The following ARMC9 variants were observed in gnomAD, a reference collection of about 807,000 sequenced individuals.
The protein encoded by ARMC9 is lisH domain-containing protein ARMC9.
In ARMC9, 94 loss-of-function variants were observed where a neutral mutation model predicts 107.0. The ratio of observed to expected loss-of-function variants is 0.88; its 90% CI spans 0.74 to 1.04. The LOEUF is 1.04. Ranked by LOEUF, ARMC9 falls within the 50% of genes least tolerant of loss-of-function variation. ARMC9 has a pLI of 0.00. For synonymous variants in ARMC9, 380 were observed against 396.9 expected, an observed-to-expected ratio of 0.96 and a Z score of 0.51; for missense variants, 942 against 1,030.1, an observed-to-expected ratio of 0.91 and a Z score of 1.17.
At chr2:231,258,343 G>T (rs570408319) in intron 10 of ARMC9, among the ~76,000 whole-genome samples, 1 of 151,964 alleles carries the variant, frequency 6.6e-6, no homozygotes, top group South Asian at 2.1e-4. Context: ...CACTATGCCC[G>T]GCTAATTTTG....
At chr2:231,229,321 T>G (rs1231954244) in intron 7 of ARMC9, among the ~76,000 whole-genome samples, 1 of 152,214 alleles carries the variant, frequency 6.6e-6, no homozygotes, top group East Asian at 1.9e-4. Flanking sequence ...GGCATTGTTT[T>G]AAGTGAAGTG....
At chr2:231,278,982 G>C (rs1007489406) in intron 16 of ARMC9, among the ~76,000 whole-genome samples, 5 of 152,110 alleles carry the variant, frequency 3.3e-5, no homozygotes, top group Non-Finnish European at 5.9e-5. Context: ...TTGTGCCCCT[G>C]ACATTTTACT....
intron 23 of ARMC9, among the ~76,000 whole-genome samples, chr2:231,361,326 C>T (rs1019994770): frequency 8.6e-5 from 13 of 151,162 alleles, no homozygotes; most frequent in Admixed American, 5.9e-4. Flanking sequence ...CAGGCTGGGG[C>T]GTGGTGGCGC....
intron 23 of ARMC9, among the ~76,000 whole-genome samples, chr2:231,365,271 A>T (rs570605740): frequency 6.6e-6 from 1 of 152,160 alleles, no homozygotes; most frequent in African/African-American, 2.4e-5. Flanking sequence ...ATATACGGGA[A>T]AGTTGGGAGG....
rs2046075654 is a variant in ARMC9, at chr2:231,372,749, T to C, written c.*1214T>C. ...GTGTGTGTGTGTGTGTGTGTGTGTG[T>C]GTGTGTATGAGTGTATGAAGGGAAA... On this transcript the variant is annotated 3_prime_UTR_variant, in exon 25 of 25. Coordinates refer to ENST00000611582, the MANE Select transcript of ARMC9 (RefSeq NM_001352754.2). 1 of 90,300 alleles carries C rather than the reference T, an allele frequency of 1.1e-5. No homozygotes were observed. Among genetic ancestry groups the C allele is most frequent in the Non-Finnish European group, 2.0e-5 (1 of 51,168 alleles). 5.6% of individuals were successfully genotyped at this position (90,300 alleles called of 1,614,324 possible).
chr2:231,315,112 G>T (rs1477427661), intron 19 of ARMC9, among the ~76,000 whole-genome samples: 6 of 151,342 alleles, frequency 4.0e-5, no homozygotes, highest in Non-Finnish European at 5.9e-5. Context: ...GGTGGTGCAT[G>T]CCTGTAGTCC....
chr2:231,303,708 C>G (rs2041888835), intron 19 of ARMC9, among the ~76,000 whole-genome samples: 1 of 151,994 alleles, frequency 6.6e-6, no homozygotes, highest in Admixed American at 6.6e-5. Flanking sequence ...GAGGCTAAGG[C>G]CGGTGGATCA....
chr2:231,290,548 G>A (rs1051885995), intron 17 of ARMC9, among the ~76,000 whole-genome samples: 2 of 152,168 alleles, frequency 1.3e-5, no homozygotes, highest in African/African-American at 4.8e-5. Context: ...AGTGGTTAGA[G>A]GCCTCGTCAG....
At chr2:231,313,667 C>A (rs2042485665) in intron 19 of ARMC9, among the ~76,000 whole-genome samples, 1 of 152,172 alleles carries the variant, frequency 6.6e-6, no homozygotes, top group African/African-American at 2.4e-5. Flanking sequence ...CCACAAACCC[C>A]AGGTAACCAT....
At chr2:231,262,506 CTG>C (rs2038464049) in intron 12 of ARMC9, 108 bp downstream of exon 12, 1 of 1,089,474 alleles carries the variant, frequency 9.2e-7, no homozygotes, top group East Asian at 2.5e-5. Flanking sequence ...AGCTTCGTAA[CTG>C]TATGTCAGCC....
chr2:231,263,879 A>G (rs1366981190), intron 12 of ARMC9, among the ~76,000 whole-genome samples: 1 of 152,218 alleles, frequency 6.6e-6, no homozygotes, highest in Admixed American at 6.5e-5. Flanking sequence ...TCCAAACTCA[A>G]ATTAAAGAGT....
At chr2:231,325,925 C>T (rs180961711) in intron 19 of ARMC9, among the ~76,000 whole-genome samples, 118 of 152,288 alleles carry the variant, frequency 7.7e-4, no homozygotes, top group African/African-American at 1.3e-3. Context: ...GAGCTTAAAT[C>T]GCAGTGGTAA....
At chr2:231,354,263 T>TAAAAAAAAA (rs759691541) in intron 21 of ARMC9, among the ~76,000 whole-genome samples, 1 of 100,474 alleles carries the variant, frequency 1.0e-5, no homozygotes, top group African/African-American at 4.7e-5. Flanking sequence ...CATCTCCATT[T>TAAAAAAAAA]AAAAAAAAAA....
At chr2:231,244,462 A>T (rs2036580104) in intron 9 of ARMC9, among the ~76,000 whole-genome samples, 1 of 146,556 alleles carries the variant, frequency 6.8e-6, no homozygotes, top group South Asian at 2.1e-4. Flanking sequence ...ACCTCCTGGG[A>T]TCAAGTGGTC....
At chr2:231,226,898 C>CT in intron 7 of ARMC9, 100 bp downstream of exon 7, 1 of 1,378,462 alleles carries the variant, frequency 7.3e-7, no homozygotes, top group East Asian at 2.3e-5. Flanking sequence ...ATGATTTTGG[C>CT]TTTAAGAGTC....
chr2:231,304,274 A>G (rs1033514438), intron 19 of ARMC9, among the ~76,000 whole-genome samples: 1 of 152,084 alleles, frequency 6.6e-6, no homozygotes, highest in African/African-American at 2.4e-5. Context: ...CTTACTTCCC[A>G]ATTTCTACTG....
rs5839392 is a variant in ARMC9, at chr2:231,204,176, GAAAAAAAA to G, written c.-41-2008_-41-2001del. On this transcript the variant is annotated intron_variant, in intron 1 of 24. Coordinates refer to ENST00000611582, the MANE Select transcript of ARMC9 (RefSeq NM_001352754.2). Reference sequence around the variant, plus strand: ...GCAACAGAGGGAAACTCTGTCTCAGGAAAAAAAAAAAAAAAAAAAAAGGACATCAGTGG... The same window carrying G: ...GCAACAGAGGGAAACTCTGTCTCAGGAAAAAAAAAAAAAGGACATCAGTGG... 3.1e-5 allele frequency among the ~76,000 whole-genome samples: 3 copies of G among 98,306 alleles called. No individual in the cohort carries two copies. In the Admixed American group the frequency reaches 3.4e-4, roughly 11 times the overall value. The allele number at this position is 98,306 out of a possible 152,430, so 64.5% of individuals were successfully genotyped here.
intron 1 of ARMC9, among the ~76,000 whole-genome samples, chr2:231,204,799 G>A (rs1468090393): frequency 1.3e-5 from 2 of 152,096 alleles, no homozygotes; most frequent in Admixed American, 1.3e-4. Context: ...GAGGGCAGGC[G>A]TGTGCTTTGG....
At chr2:231,319,607 C>G (rs749603051) in intron 19 of ARMC9, among the ~76,000 whole-genome samples, 2 of 152,178 alleles carry the variant, frequency 1.3e-5, no homozygotes, top group Non-Finnish European at 2.9e-5. Context: ...CTGTCATCTT[C>G]CAGATGGTGT....
Sources: allele counts gnomAD v4.1 joint callset (sites outside exome capture counted in the v4.1 genomes callset), GRCh38; gene constraint gnomAD v4.1.1; transcripts MANE v1.5; gene names NCBI Gene and HGNC (gene_info 2026-07-23, HGNC 2026-07-21).